The following RBMS3 variants were observed in gnomAD, a reference collection of about 807,000 sequenced individuals.
RBMS3 encodes RNA-binding motif, single-stranded-interacting protein 3.
Under a neutral mutation model 66.8 loss-of-function variants are expected in RBMS3, and 27 were observed. That is an observed-to-expected ratio of 0.40 (90% CI 0.30 to 0.56). The LOEUF is 0.56. Ranked by LOEUF, RBMS3 falls within the 20% of genes least tolerant of loss-of-function variation. The pLI is 0.40. For missense variants in RBMS3, 513 were observed against 549.5 expected, an observed-to-expected ratio of 0.93 and a Z score of 0.66; for synonymous variants, 188 against 183.0, an observed-to-expected ratio of 1.03 and a Z score of -0.22.
At chr3:29,451,878 C>T (rs1312657903) in intron 2 of RBMS3, among the ~76,000 whole-genome samples, 1 of 152,154 alleles carries the variant, frequency 6.6e-6, no homozygotes, top group Non-Finnish European at 1.5e-5. Context: ...CTGTGTGAAT[C>T]GTGTGAACAA....
chr3:29,312,286 GT>G (rs940033275), intron 1 of RBMS3, among the ~76,000 whole-genome samples: 1 of 92,440 alleles, frequency 1.1e-5, no homozygotes, highest in Non-Finnish European at 2.7e-5. Context: ...CTAGCATTCT[GT>G]TTCTTTTTTG....
intron 1 of RBMS3, among the ~76,000 whole-genome samples, chr3:29,313,855 C>T (rs2034522105): frequency 6.6e-6 from 1 of 151,558 alleles, no homozygotes; most frequent in Admixed American, 6.6e-5. Context: ...CAAGTCTTGG[C>T]CTTATTCCCT....
chr3:29,867,464 C>T lies in RBMS3; in HGVS notation c.638-1394C>T, dbSNP rs576979813. ...TGTACCACTACCGATCTTGGATGTG[C>T]GGGTTCACATGTCTGGGTGGTGGCT... On this transcript the variant is annotated intron_variant, in intron 6 of 14. Transcript: ENST00000383767. 3.0e-4 allele frequency among the ~76,000 whole-genome samples: 42 copies of T among 141,842 alleles called. 1 individual carries two copies. Among genetic ancestry groups the T allele is most frequent in the Non-Finnish European group, 5.8e-4 (38 of 64,994 alleles). The allele number at this position is 141,842 out of a possible 152,430, so 93.1% of individuals were successfully genotyped here. A position where few individuals can be genotyped will look rare whatever the true frequency, so the allele number is the denominator to read the frequency against.
intron 6 of RBMS3, among the ~76,000 whole-genome samples, chr3:29,782,441 A>T (rs2056669994): frequency 1.3e-5 from 2 of 152,174 alleles, no homozygotes; most frequent in Non-Finnish European, 2.9e-5. Context: ...AACAATCACT[A>T]CATTTGGCTC....
At chr3:29,624,324 C>T (rs1272649937) in intron 4 of RBMS3, among the ~76,000 whole-genome samples, 1 of 152,126 alleles carries the variant, frequency 6.6e-6, no homozygotes, top group Non-Finnish European at 1.5e-5. Context: ...AAACAAAACC[C>T]CCTGAAATTT....
intron 4 of RBMS3, among the ~76,000 whole-genome samples, chr3:29,658,399 C>CTTACAA (rs1415199035): frequency 1.3e-5 from 2 of 152,140 alleles, no homozygotes; most frequent in Non-Finnish European, 2.9e-5. Context: ...TGAGATTCTG[C>CTTACAA]ATTTCTTACA....
chr3:29,922,565 C>G (rs2060820089), intron 10 of RBMS3, among the ~76,000 whole-genome samples: 1 of 150,390 alleles, frequency 6.6e-6, no homozygotes, highest in African/African-American at 2.4e-5. Context: ...AATGAATATT[C>G]TTTATTCTAA....
At chr3:29,423,384 A>G (rs1432583378) in intron 1 of RBMS3, among the ~76,000 whole-genome samples, 1 of 152,216 alleles carries the variant, frequency 6.6e-6, no homozygotes, top group Non-Finnish European at 1.5e-5. Flanking sequence ...CAAATCTTTT[A>G]ATAATGTGCA....
In RBMS3 at chr3:29,770,699, A is replaced by G. The variant is rs2056162096; in HGVS notation, c.637+7710A>G. On this transcript the variant is annotated intron_variant, in intron 6 of 14. Transcript: ENST00000383767. The stretch of plus-strand genomic sequence containing the variant: ...AAACACTAATTTTGCTTCTAAGACC[A>G]TGTTGGGCTTTGCCTTCTGTCAGCA... Among the ~76,000 whole-genome samples the G allele has an allele frequency of 2.0e-5, 3 of 152,034 alleles. No homozygotes were observed. In the South Asian group the frequency reaches 6.2e-4, roughly 31 times the overall value.
intron 6 of RBMS3, among the ~76,000 whole-genome samples, chr3:29,810,422 G>T (rs1420512069): frequency 6.6e-6 from 1 of 152,022 alleles, no homozygotes; most frequent in Non-Finnish European, 1.5e-5. Context: ...GACCTATTTG[G>T]CATTTGAGGA....
At chr3:29,612,529 T>C (rs1005200409) in intron 4 of RBMS3, among the ~76,000 whole-genome samples, 3 of 152,038 alleles carry the variant, frequency 2.0e-5, no homozygotes, top group Non-Finnish European at 2.9e-5. Flanking sequence ...TAGAGGTGGG[T>C]CTAAGGGAAT....
At chr3:29,965,925 C>T (rs560373444) in intron 12 of RBMS3, among the ~76,000 whole-genome samples, 1 of 152,144 alleles carries the variant, frequency 6.6e-6, no homozygotes, top group African/African-American at 2.4e-5. Flanking sequence ...GATGAGGATC[C>T]AGTTTCATTC....
At chr3:29,504,649 AT>A (rs2044111970) in intron 3 of RBMS3, among the ~76,000 whole-genome samples, 1 of 151,788 alleles carries the variant, frequency 6.6e-6, no homozygotes, top group Non-Finnish European at 1.5e-5. Context: ...TCTATTTTTA[AT>A]TTTTTGAGAA....
intron 12 of RBMS3, among the ~76,000 whole-genome samples, chr3:29,968,780 C>T (rs1241334076): frequency 6.6e-6 from 1 of 152,222 alleles, no homozygotes; most frequent in Non-Finnish European, 1.5e-5. Flanking sequence ...TTTGTTCTTG[C>T]AGTCGATCTA....
intron 3 of RBMS3, among the ~76,000 whole-genome samples, chr3:29,515,366 G>A (rs184321888): frequency 5.6e-4 from 85 of 152,266 alleles, no homozygotes; most frequent in African/African-American, 1.8e-3. Context: ...ATGCAAGCTC[G>A]TCTTATGGTG....
intron 3 of RBMS3, among the ~76,000 whole-genome samples, chr3:29,496,688 A>G (rs1202248294): frequency 6.6e-6 from 1 of 152,208 alleles, no homozygotes; most frequent in Non-Finnish European, 1.5e-5. Context: ...ATTATTTCCA[A>G]TATCAGGATA....
intron 3 of RBMS3, among the ~76,000 whole-genome samples, chr3:29,544,997 C>T (rs750154890): frequency 3.0e-4 from 45 of 152,182 alleles, no homozygotes; most frequent in Middle Eastern, 3.4e-3. Context: ...CTTCTAGTAA[C>T]TTATCCTAAG....
At chr3:29,902,015 A>G (rs2060266668) in intron 10 of RBMS3, among the ~76,000 whole-genome samples, 1 of 151,872 alleles carries the variant, frequency 6.6e-6, no homozygotes, top group Non-Finnish European at 1.5e-5. Context: ...AAATATAAAA[A>G]TATTCAAGCC....
At chr3:29,297,111 A>G (rs1445130562) in intron 1 of RBMS3, among the ~76,000 whole-genome samples, 1 of 151,634 alleles carries the variant, frequency 6.6e-6, no homozygotes, top group African/African-American at 2.4e-5. Flanking sequence ...TAGTTGTGGG[A>G]GGTCCAATTT....
Sources: allele counts gnomAD v4.1 joint callset (sites outside exome capture counted in the v4.1 genomes callset), GRCh38; gene constraint gnomAD v4.1.1; transcripts MANE v1.5; gene names NCBI Gene and HGNC (gene_info 2026-07-23, HGNC 2026-07-21).